Variants in LYZL1 observed in about 807,000 individuals in gnomAD.
LYZL1 encodes the protein lysozyme-like protein 1.
LYZL1 carries 16 observed loss-of-function variants against 17.9 expected under a neutral mutation model. That is an observed-to-expected ratio of 0.90 (90% confidence interval 0.61 to 1.36). The LOEUF (loss-of-function observed/expected upper bound fraction) is 1.36. Ranked by LOEUF, LYZL1 falls within the 40% of genes most tolerant of loss-of-function variation. LYZL1 has a pLI of 0.00. For missense variants in LYZL1, 149 were observed against 188.4 expected, an observed-to-expected ratio of 0.79 and a Z score of 1.22; for synonymous variants, 58 against 71.8, an observed-to-expected ratio of 0.81 and a Z score of 0.97.
intron 3 of LYZL1, among the ~76,000 whole-genome samples, chr10:29,306,862 G>T (rs991773353): frequency 7.1e-6 from 1 of 140,524 alleles, no homozygotes; most frequent in African/African-American, 2.7e-5. Context: ...GAGAGAGAGA[G>T]AGAGAAGAAC....
intron 3 of LYZL1, among the ~76,000 whole-genome samples, chr10:29,316,934 T>C (rs1835739980): frequency 3.9e-5 from 6 of 152,148 alleles, no homozygotes; most frequent in Admixed American, 3.9e-4. Context: ...CCCAAGCTGT[T>C]CTTGAAGTGC....
chr10:29,310,010 C>G, intron 3 of LYZL1, 100 bp from the exon 4 acceptor site: 1 of 809,256 alleles, frequency 1.2e-6, no homozygotes, highest in Admixed American at 2.4e-5. Context: ...TTCCAACCCT[C>G]TTGATCCAAA....
At chr10:29,292,183 G>A (rs544691706) in intron 2 of LYZL1, among the ~76,000 whole-genome samples, 177 bp downstream of exon 2, 7 of 150,556 alleles carry the variant, frequency 4.6e-5, no homozygotes, top group Admixed American at 1.3e-4. Flanking sequence ...TTCCTCCCCT[G>A]CCCCTCATTT....
chr10:29,292,936 C>T (rs1396576228), intron 3 of LYZL1, among the ~76,000 whole-genome samples: 1 of 152,176 alleles, frequency 6.6e-6, no homozygotes, highest in Non-Finnish European at 1.5e-5. Flanking sequence ...AACAACCCTA[C>T]TGCCCTTTCA....
intron 3 of LYZL1, among the ~76,000 whole-genome samples, chr10:29,302,127 G>C (rs1470856629): frequency 6.6e-6 from 1 of 152,090 alleles, no homozygotes; most frequent in Non-Finnish European, 1.5e-5. Flanking sequence ...TCTTGCCCTT[G>C]ACTGATCTTT....
chr10:29,314,604 G>C (rs533718595), downstream of LYZL1, among the ~76,000 whole-genome samples: 147 of 152,158 alleles, frequency 9.7e-4, no homozygotes, highest in African/African-American at 3.2e-3. Context: ...ACCGAGTGAG[G>C]CCCTGTCTCT....
downstream of LYZL1, among the ~76,000 whole-genome samples, chr10:29,314,888 T>C (rs1317528730): frequency 7.2e-5 from 11 of 152,190 alleles, no homozygotes; most frequent in Non-Finnish European, 5.9e-5. Context: ...CCTGCTGCCC[T>C]GCGGGGATCT....
intron 3 of LYZL1, chr10:29,317,231 TC>T (rs1227496310): frequency 3.9e-5 from 6 of 152,228 alleles, no homozygotes; most frequent in Non-Finnish European, 7.3e-5. Context: ...AGTACCATTT[TC>T]AGGCCTGGAG....
chr10:29,310,197 G>C lies in LYZL1; in HGVS notation c.377+9G>C, dbSNP rs1353536333. On this transcript the variant is annotated intron_variant, in intron 4 of 4. Coordinates refer to ENST00000649382, the MANE Select transcript of LYZL1 (RefSeq NM_032517.6). ...CAAGGAATGAACTATTGGTAAGAGT[G>C]TTTTCTTGGGAGACTTGTGCTGTCA... 2 of 1,590,070 alleles carry C rather than the reference G, an allele frequency of 1.3e-6. No homozygotes were observed. The highest frequency in any genetic ancestry group is 3.4e-5 in the Admixed American group (2 of 59,662).
intron 3 of LYZL1, among the ~76,000 whole-genome samples, chr10:29,294,081 A>T (rs1205462162): frequency 6.6e-6 from 1 of 152,130 alleles, no homozygotes; most frequent in Non-Finnish European, 1.5e-5. Flanking sequence ...GATAGAGAAA[A>T]GTTATCCCAG....
At chr10:29,304,010 C>T (rs954115789) in intron 3 of LYZL1, among the ~76,000 whole-genome samples, 3 of 152,232 alleles carry the variant, frequency 2.0e-5, no homozygotes, top group African/African-American at 7.2e-5. Flanking sequence ...ATCCTCCCAT[C>T]TTGACCTCCC....
At chr10:29,290,153 A>G (rs1412294731) in intron 1 of LYZL1, among the ~76,000 whole-genome samples, 1 of 152,136 alleles carries the variant, frequency 6.6e-6, no homozygotes, top group African/African-American at 2.4e-5. Flanking sequence ...GAAACTAATG[A>G]CTGGAGAAGT....
At chr10:29,296,434 G>A (rs1447385029) in intron 3 of LYZL1, among the ~76,000 whole-genome samples, 1 of 152,182 alleles carries the variant, frequency 6.6e-6, no homozygotes, top group African/African-American at 2.4e-5. Context: ...CAAACAGGAA[G>A]ACACATTTAA....
At position 29,311,074 on chromosome 10, in the gene LYZL1, C is replaced by T. The variant is rs1240215739; in HGVS notation, c.*15C>T. ...AGGTTTCCTAAACTGGAACTGGACC[C>T]AGGATGCTTTGCAGCAACGCCCTAG... On this transcript the variant is annotated 3_prime_UTR_variant, in exon 5 of 5. Coordinates refer to ENST00000649382, the MANE Select transcript of LYZL1 (RefSeq NM_032517.6). The T allele has an allele frequency of 6.2e-7, 1 of 1,614,188 alleles. No homozygotes were observed. Among genetic ancestry groups the T allele is most frequent in the East Asian group, 2.2e-5 (1 of 44,884 alleles).
intron 3 of LYZL1, among the ~76,000 whole-genome samples, chr10:29,304,007 C>T (rs1835556811): frequency 6.6e-6 from 1 of 152,210 alleles, no homozygotes. Context: ...GCGATCCTCC[C>T]ATCTTGACCT....
rs1414557994 is a variant in LYZL1, at chr10:29,311,157, C to G, written c.*98C>G. 1 of 1,607,688 alleles carries G rather than the reference C, an allele frequency of 6.2e-7. No homozygotes were observed. Among genetic ancestry groups the G allele is most frequent in the African/African-American group, 1.3e-5 (1 of 74,520 alleles). On this transcript the variant is annotated 3_prime_UTR_variant, in exon 5 of 5. Coordinates refer to ENST00000649382, the MANE Select transcript of LYZL1 (RefSeq NM_032517.6). ...TCTTGTCCCGTTTCCTCCCAATATT[C>G]CTTCTCAAACTTGGAGAGGGAAAAT...
Position 29,311,170 on chromosome 10 carries a change from G to A in LYZL1, c.*111G>A. Reference sequence around the variant, plus strand: ...CCTCCCAATATTCCTTCTCAAACTTGGAGAGGGAAAATTAAGCTATACTTT... The same window carrying A: ...CCTCCCAATATTCCTTCTCAAACTTAGAGAGGGAAAATTAAGCTATACTTT... On this transcript the variant is annotated 3_prime_UTR_variant, in exon 5 of 5. Coordinates refer to ENST00000649382, the MANE Select transcript of LYZL1 (RefSeq NM_032517.6). 1.2e-6 allele frequency: 2 copies of A among 1,602,408 alleles called. No individual in the cohort carries two copies. Among genetic ancestry groups the A allele is most frequent in the East Asian group, 2.2e-5 (1 of 44,752 alleles).
intron 3 of LYZL1, among the ~76,000 whole-genome samples, chr10:29,303,250 T>G (rs1835545625): frequency 6.6e-6 from 1 of 152,174 alleles, no homozygotes; most frequent in South Asian, 2.1e-4. Context: ...CTGAGCTGCC[T>G]TGGCGTCTGA....
chr10:29,292,332 C>T (rs567688800), intron 2 of LYZL1, among the ~76,000 whole-genome samples, 187 bp from the exon 3 acceptor site: 106 of 152,082 alleles, frequency 7.0e-4, no homozygotes, highest in Non-Finnish European at 1.4e-3. Context: ...TGTACAGCTT[C>T]AGGTGTGCCA....
Sources: allele counts gnomAD v4.1 joint callset (sites outside exome capture counted in the v4.1 genomes callset), GRCh38; gene constraint gnomAD v4.1.1; transcripts MANE v1.5; gene names NCBI Gene and HGNC (gene_info 2026-07-23, HGNC 2026-07-21).